Variants in PITPNC1 observed in about 807,000 individuals in gnomAD.
PITPNC1 encodes the protein phosphatidylinositol transfer protein cytoplasmic 1, also known as cytoplasmic phosphatidylinositol transfer protein 1.
PITPNC1 carries 18 observed loss-of-function variants against 44.7 expected under a neutral mutation model. That is an observed-to-expected ratio of 0.40 (90% CI 0.28 to 0.60). The LOEUF is 0.60. Among genes scored for constraint, PITPNC1 ranks in the 20% least tolerant of loss-of-function variants. The probability of loss-of-function intolerance (pLI) is 0.39; values close to 1 mark genes in which losing one functional copy is unlikely to be tolerated. For synonymous variants in PITPNC1, 141 were observed against 149.6 expected (o/e 0.94, Z 0.42); for missense variants, 290 against 418.4 (o/e 0.69, Z 2.68).
chr17:67,536,229 G>A (rs1242978049), intron 2 of PITPNC1, among the ~76,000 whole-genome samples: 2 of 152,126 alleles, frequency 1.3e-5, no homozygotes, highest in Non-Finnish European at 2.9e-5. Flanking sequence ...TGCTAATATT[G>A]TTTAGGAATT....
At position 67,694,843 on chromosome 17, in the gene PITPNC1, T is replaced by C. The variant is rs2144490267; in HGVS notation, c.*1955T>C. The C allele has an allele frequency of 6.6e-6, 1 of 152,320 alleles. No individual in the cohort carries two copies. Among genetic ancestry groups the C allele is most frequent in the South Asian group, 2.1e-4 (1 of 4,824 alleles). The allele number at this position is 152,320 out of a possible 1,614,324, so 9.4% of individuals were successfully genotyped here. ...GTAGTACTTAATGAAAATGTTTTGC[T>C]TTAGAGAGCAAAATGCTACTTTCAG... On this transcript the variant is annotated 3_prime_UTR_variant, in exon 9 of 9. Transcript: ENST00000581322.
At chr17:67,589,396 G>A (rs2041361407) in intron 5 of PITPNC1, among the ~76,000 whole-genome samples, 1 of 152,182 alleles carries the variant, frequency 6.6e-6, no homozygotes, top group Non-Finnish European at 1.5e-5. Flanking sequence ...CTGATTCACA[G>A]GTGCTGTGAT....
At chr17:67,632,357 T>C in intron 6 of PITPNC1, 119 bp downstream of exon 6, 1 of 666,912 alleles carries the variant, frequency 1.5e-6, no homozygotes, top group African/African-American at 1.8e-5. Flanking sequence ...TTCAATTTGC[T>C]TTCGTATCTT....
At chr17:67,526,656 T>A (rs1180484593) in intron 1 of PITPNC1, among the ~76,000 whole-genome samples, 9 of 150,234 alleles carry the variant, frequency 6.0e-5, no homozygotes, top group Non-Finnish European at 1.5e-5. Flanking sequence ...TCCTTGAACC[T>A]GGGGGGCAGA....
intron 1 of PITPNC1, among the ~76,000 whole-genome samples, chr17:67,391,486 T>C (rs2038138889): frequency 7.2e-5 from 11 of 152,134 alleles, no homozygotes; most frequent in Admixed American, 7.2e-4. Flanking sequence ...TATTTATTTA[T>C]TTATTTATTT....
intron 1 of PITPNC1, among the ~76,000 whole-genome samples, chr17:67,485,741 A>G (rs1356788048): frequency 6.6e-6 from 1 of 152,180 alleles, no homozygotes; most frequent in Non-Finnish European, 1.5e-5. Context: ...GAAAAACATT[A>G]TTAAAGATGA....
intron 6 of PITPNC1, among the ~76,000 whole-genome samples, chr17:67,646,005 G>T (rs1054247688): frequency 6.6e-6 from 1 of 152,112 alleles, no homozygotes; most frequent in Non-Finnish European, 1.5e-5. Flanking sequence ...GGTGCCTGTA[G>T]TCCCAGCTAC....
intron 5 of PITPNC1, among the ~76,000 whole-genome samples, chr17:67,582,961 C>T: frequency 6.6e-6 from 1 of 152,332 alleles, no homozygotes; most frequent in East Asian, 1.9e-4. Context: ...ACTTTACTTC[C>T]TCTTCCAAAC....
At chr17:67,647,489 T>TTTTTTG (rs2042165478) in intron 6 of PITPNC1, among the ~76,000 whole-genome samples, 26 of 127,634 alleles carry the variant, frequency 2.0e-4, no homozygotes, top group Admixed American at 6.2e-4. Context: ...TTTTTTTTTT[T>TTTTTTG]TTTTGTAGAG....
chr17:67,451,218 GACGGGGTTTTGCCA>G (rs2039170634), intron 1 of PITPNC1, among the ~76,000 whole-genome samples: 1 of 151,970 alleles, frequency 6.6e-6, no homozygotes, highest in Admixed American at 6.6e-5. Context: ...TTTTAGTAGA[GACGGGGTTTTGCCA>G]TGTTGACCAG....
intron 4 of PITPNC1, among the ~76,000 whole-genome samples, chr17:67,560,239 A>G (rs2040888770): frequency 1.3e-5 from 2 of 152,182 alleles, no homozygotes; most frequent in African/African-American, 2.4e-5. Context: ...TGTTCCAGAA[A>G]CTTCTCTTTA....
intron 1 of PITPNC1, among the ~76,000 whole-genome samples, chr17:67,512,515 A>AAAC (rs1014008476): frequency 6.6e-6 from 1 of 151,524 alleles, no homozygotes; most frequent in African/African-American, 2.4e-5. Flanking sequence ...AAAAAAAAAA[A>AAAC]AAAAAAAACA....
At chr17:67,531,079 C>CA (rs1176390833) in intron 1 of PITPNC1, among the ~76,000 whole-genome samples, 2 of 151,946 alleles carry the variant, frequency 1.3e-5, no homozygotes, top group African/African-American at 4.8e-5. Context: ...CCTGTCTCTA[C>CA]AAAAAATACA....
chr17:67,579,052 C>A (rs904749746), intron 5 of PITPNC1, among the ~76,000 whole-genome samples: 1 of 152,256 alleles, frequency 6.6e-6, no homozygotes, highest in African/African-American at 2.4e-5. Flanking sequence ...TGCTTACTTA[C>A]ACACATGCGG....
At chr17:67,524,143 G>T (rs1047809227) in intron 1 of PITPNC1, among the ~76,000 whole-genome samples, 2 of 152,142 alleles carry the variant, frequency 1.3e-5, no homozygotes, top group Non-Finnish European at 2.9e-5. Context: ...TAAAAAGTGT[G>T]TAGAAAGAAA....
chr17:67,540,767 A>G (rs1307679519), intron 2 of PITPNC1, among the ~76,000 whole-genome samples: 1 of 152,212 alleles, frequency 6.6e-6, no homozygotes, highest in Non-Finnish European at 1.5e-5. Flanking sequence ...AGAAAATTCT[A>G]TGTGTAACTT....
chr17:67,408,251 G>T (rs1202161365), intron 1 of PITPNC1, among the ~76,000 whole-genome samples: 1 of 152,216 alleles, frequency 6.6e-6, no homozygotes, highest in African/African-American at 2.4e-5. Context: ...ACTGTGCCTG[G>T]CCTAGGATCA....
intron 1 of PITPNC1, among the ~76,000 whole-genome samples, chr17:67,415,232 C>G (rs2038570292): frequency 6.6e-6 from 1 of 152,174 alleles, no homozygotes; most frequent in African/African-American, 2.4e-5. Flanking sequence ...CTACTGTTGT[C>G]AAATTCTACC....
intron 1 of PITPNC1, among the ~76,000 whole-genome samples, chr17:67,382,084 T>C (rs913991922): frequency 2.6e-5 from 4 of 152,240 alleles, no homozygotes; most frequent in Non-Finnish European, 5.9e-5. Flanking sequence ...CTTACTCTGC[T>C]TTTTGCCTGT....
Sources: allele counts gnomAD v4.1 joint callset (sites outside exome capture counted in the v4.1 genomes callset), GRCh38; gene constraint gnomAD v4.1.1; transcripts MANE v1.5; gene names NCBI Gene and HGNC (gene_info 2026-07-23, HGNC 2026-07-21).